Variants in MIDN observed in about 807,000 individuals in gnomAD.
MIDN encodes the protein midbrain nucleolar protein.
In MIDN, 26 loss-of-function variants were observed where a neutral mutation model predicts 46.1. That is an observed-to-expected ratio of 0.56 (90% confidence interval 0.41 to 0.78). The LOEUF (loss-of-function observed/expected upper bound fraction) is 0.78. Ranked by LOEUF, MIDN falls within the 30% of genes least tolerant of loss-of-function variation. MIDN has a pLI of 0.00. For missense variants in MIDN, 850 were observed against 771.8 expected (o/e 1.10, Z -1.20); for synonymous variants, 432 against 343.3 (o/e 1.26, Z -2.86).
In MIDN at chr19:1,258,776, TTTG is replaced by T. The variant is rs1191069029; in HGVS notation, c.*1507_*1509del. The T allele has an allele frequency of 5.9e-5, 9 of 151,918 alleles. No individual in the cohort carries two copies. Among genetic ancestry groups the T allele is most frequent in the Non-Finnish European group, 4.4e-5 (3 of 67,966 alleles). The allele number at this position is 151,918 out of a possible 1,614,324, so 9.4% of individuals were successfully genotyped here. On this transcript the variant is annotated 3_prime_UTR_variant, in exon 9 of 9. Transcript: ENST00000682408. ...AGAGCTCAAGGATTTTGGGTTTTGT[TTTG>T]TTTTCATTTTTCCAAAAAAAAAAGA...
At chr19:1,255,843 C>CG (rs1050035151) in intron 8 of MIDN, 149 bp downstream of exon 8, 2 of 750,318 alleles carry the variant, frequency 2.7e-6, no homozygotes, top group African/African-American at 3.6e-5. Context: ...TGCTCCAGCC[C>CG]GGAGAGAAGG....
intron 2 of MIDN, chr19:1,251,186 C>G (rs944728377): frequency 1.1e-5 from 2 of 183,904 alleles, no homozygotes; most frequent in African/African-American, 2.4e-5. Context: ...ACCCGTGGTT[C>G]CTACAAAGAG....
In MIDN at chr19:1,257,471, T is replaced by C. The variant is rs1474494921; in HGVS notation, c.*199T>C. ...TGACCGTGGTTTCCTGGACTCTTCA[T>C]GGGCTTTGCTTCCTACCTCCTTCAC... On this transcript the variant is annotated 3_prime_UTR_variant, in exon 9 of 9. Transcript: ENST00000682408. The C allele has an allele frequency of 1.8e-6, 1 of 546,054 alleles. No homozygotes were observed. 33.8% of individuals were successfully genotyped at this position (546,054 alleles called of 1,614,324 possible).
chr19:1,251,541 G>C, intron 2 of MIDN, 21 bp from the exon 3 acceptor site: 1 of 1,606,096 alleles, frequency 6.2e-7, no homozygotes, highest in East Asian at 2.2e-5. Context: ...GGAGTCTCAT[G>C]CTCTTCCTTC....
chr19:1,253,696 A>G (rs73494667), intron 4 of MIDN: 3,854 of 224,780 alleles, frequency 0.017, 150 homozygotes, highest in African/African-American at 0.085. Flanking sequence ...GGACAGAAGA[A>G]TTCGTGCAGG....
At chr19:1,255,318 G>A in intron 7 of MIDN, 104 bp from the exon 8 acceptor site, 1 of 1,397,104 alleles carries the variant, frequency 7.2e-7, no homozygotes, top group Non-Finnish European at 9.6e-7. Context: ...CAGCCCACAT[G>A]TCCACGCCAT....
At position 1,251,487 on chromosome 19, in the gene MIDN, C is replaced by T. The variant is rs542029640; in HGVS notation, c.234-75C>T. On this transcript the variant is annotated intron_variant, in intron 2 of 8. Coordinates refer to ENST00000682408, the MANE Select transcript of MIDN (RefSeq NM_001388306.1). ...CCGTCTCTCCCCACACAAGCACAGC[C>T]CTCCCCCGCGGCCTCTGCTTCCGCG... The T allele has an allele frequency of 1.1e-5, 15 of 1,350,432 alleles. No homozygotes were observed. The African/African-American group carries it at 1.3e-4, about 12-fold the overall frequency. 83.7% of individuals were successfully genotyped at this position (1,350,432 alleles called of 1,614,324 possible). A position where few individuals can be genotyped will look rare whatever the true frequency, so the allele number is the denominator to read the frequency against.
intron 2 of MIDN, chr19:1,251,242 G>A (rs1024544232): frequency 8.8e-6 from 3 of 341,570 alleles, no homozygotes; most frequent in Non-Finnish European, 1.6e-5. Flanking sequence ...GCTGCCCTGG[G>A]GTCGTGGGGG....
Position 1,257,590 on chromosome 19 carries a change from C to T in MIDN, c.*318C>T, listed in dbSNP as rs2145501080. ...GGTCGGTCCTCCCTGCCAACCTTCC[C>T]CAGCTCCAATATGTAGCAGTCTCTC... On this transcript the variant is annotated 3_prime_UTR_variant, in exon 9 of 9. Coordinates refer to ENST00000682408, the MANE Select transcript of MIDN (RefSeq NM_001388306.1). 2 of 328,706 alleles carry T rather than the reference C, an allele frequency of 6.1e-6. No homozygotes were observed. The highest frequency in any genetic ancestry group is 1.3e-4 in the East Asian group (2 of 15,864). The allele number at this position is 328,706 out of a possible 1,614,324, so 20.4% of individuals were successfully genotyped here. A position where few individuals can be genotyped will look rare whatever the true frequency, so the allele number is the denominator to read the frequency against.
chr19:1,251,407 A>C (rs1282513721), intron 2 of MIDN, 155 bp from the exon 3 acceptor site: 1 of 627,964 alleles, frequency 1.6e-6, no homozygotes, highest in Non-Finnish European at 2.7e-6. Flanking sequence ...ACCTCTCTGC[A>C]CGCGCTTAGG....
chr19:1,251,949 G>T (rs777359338), intron 4 of MIDN, 48 bp downstream of exon 4: 13 of 1,547,494 alleles, frequency 8.4e-6, no homozygotes, highest in Middle Eastern at 1.7e-4. Context: ...TGGGAGCAGG[G>T]TGCCTTGGCC....
chr19:1,249,304 C>A (rs2081092133), intron 1 of MIDN, among the ~76,000 whole-genome samples: 1 of 150,412 alleles, frequency 6.6e-6, no homozygotes. Context: ...ACGCCCTCCC[C>A]GGGGCCGCGG....
At position 1,253,995 on chromosome 19, in the gene MIDN, C is replaced by G; in HGVS notation, c.426C>G (p.Gly142=). ...APGPGRAGGG[G]FRKYRFILFK... ...GGCCGGGCCGGGCTGGCGGAGGAGG[C>G]TTCCGGAAATACAGATTCATTTTAT... is the stretch of plus-strand genomic sequence containing the variant. The change falls in exon 5 of 9, where the codon GGC becomes GGG. Residue 142 remains glycine (G), a synonymous_variant. Coordinates refer to ENST00000682408, the MANE Select transcript of MIDN (RefSeq NM_001388306.1). 7.2e-7 allele frequency: 1 copy of G among 1,398,362 alleles called. No homozygotes were observed. The highest frequency in any genetic ancestry group is 1.6e-5 in the South Asian group (1 of 64,230). 86.6% of individuals were successfully genotyped at this position (1,398,362 alleles called of 1,614,324 possible). A position where few individuals can be genotyped will look rare whatever the true frequency, so the allele number is the denominator to read the frequency against.
At chr19:1,253,926 C>T (rs1044737883) in intron 4 of MIDN, 28 bp from the exon 5 acceptor site, 18 of 1,374,906 alleles carry the variant, frequency 1.3e-5, no homozygotes, top group East Asian at 1.2e-4. Flanking sequence ...GGGGCAGGCC[C>T]CCGTCTGACC....
intron 8 of MIDN, among the ~76,000 whole-genome samples, chr19:1,256,211 C>G (rs1318047353): frequency 6.6e-6 from 1 of 152,244 alleles, no homozygotes; most frequent in African/African-American, 2.4e-5. Flanking sequence ...TGGCCGGGCG[C>G]GGTGGCTCAC....
intron 8 of MIDN, 74 bp from the exon 9 acceptor site, chr19:1,256,921 C>A (rs2081205517): frequency 6.3e-7 from 1 of 1,576,466 alleles, no homozygotes; most frequent in Non-Finnish European, 8.6e-7. Context: ...GGGGCATTTG[C>A]TGGGGTCTGG....
intron 2 of MIDN, 70 bp from the exon 3 acceptor site, chr19:1,251,492 C>A: frequency 1.4e-6 from 2 of 1,410,894 alleles, no homozygotes; most frequent in East Asian, 2.4e-5. Flanking sequence ...ACAGCCCTCC[C>A]CCGCGGCCTC....
At chr19:1,252,222 C>T (rs965512259) in intron 4 of MIDN, among the ~76,000 whole-genome samples, 9 of 152,206 alleles carry the variant, frequency 5.9e-5, no homozygotes, top group African/African-American at 1.4e-4. Flanking sequence ...CAGCCCCCTC[C>T]GCCCCCACCG....
intron 1 of MIDN, among the ~76,000 whole-genome samples, chr19:1,249,348 C>G (rs1326705930): frequency 6.6e-6 from 1 of 150,394 alleles, no homozygotes; most frequent in Non-Finnish European, 1.5e-5. Context: ...CGCCCCGGGA[C>G]CCCGGCCACG....
Sources: gnomAD v4.1 joint callset for allele counts (sites outside exome capture counted in the v4.1 genomes callset) on GRCh38, gnomAD v4.1.1 for gene constraint, MANE v1.5 for transcripts, NCBI Gene and HGNC (gene_info 2026-07-23, HGNC 2026-07-21) for gene names.